SOCS7: variants seen among roughly 807,000 people sequenced by gnomAD.
SOCS7 encodes the protein NAP-4.
In SOCS7, 18 loss-of-function variants were observed where a neutral mutation model predicts 58.9. The ratio of observed to expected loss-of-function variants is 0.31; its 90% CI spans 0.21 to 0.45. The LOEUF (loss-of-function observed/expected upper bound fraction) is 0.45, where lower values mean the gene tolerates loss of function less well. SOCS7 is among the 20% of genes least tolerant of loss of function. SOCS7 has a pLI of 1.00. For synonymous variants in SOCS7, 388 were observed against 364.3 expected, an observed-to-expected ratio of 1.06 and a Z score of -0.74; for missense variants, 667 against 837.3, an observed-to-expected ratio of 0.80 and a Z score of 2.51.
chr17:38,353,370 G>A (rs1567733516), intron 1 of SOCS7, among the ~76,000 whole-genome samples: 1 of 152,204 alleles, frequency 6.6e-6, no homozygotes, highest in Admixed American at 6.5e-5. Flanking sequence ...GAGATTGCTG[G>A]AAGTGTTTGG....
intron 1 of SOCS7, among the ~76,000 whole-genome samples, chr17:38,355,410 A>G (rs138294827): frequency 6.6e-6 from 1 of 152,252 alleles, no homozygotes; most frequent in African/African-American, 2.4e-5. Flanking sequence ...GAGCTTTTCG[A>G]CAGCTTACTA....
Position 38,352,788 on chromosome 17 carries a change from C to T in SOCS7, c.736C>T (p.Gln246Ter). Reference sequence around the variant, plus strand: ...GCGCCTGAGTAGAGGGGAGCAGCAGCAGCAGCAGCAGCAGCAACCTCCCCC... The same window carrying T: ...GCGCCTGAGTAGAGGGGAGCAGCAGTAGCAGCAGCAGCAGCAACCTCCCCC... ...LGRLSRGEQQ[Q>*]QQQQQPPPPP... The change falls in exon 1 of 10, where the codon CAG becomes TAG. Residue 246 changes from glutamine (Q) to a stop codon, truncating the protein, a stop_gained. Transcript: ENST00000612932. LOFTEE classifies it high-confidence loss of function. This position sits in a 1 kb window ranked among gnomAD's most constrained non-coding sequence, Gnocchi z 5.5. 6.4e-7 allele frequency: 1 copy of T among 1,550,914 alleles called. No individual in the cohort carries two copies. Among genetic ancestry groups the T allele is most frequent in the Non-Finnish European group, 8.7e-7 (1 of 1,147,660 alleles).
intron 7 of SOCS7, among the ~76,000 whole-genome samples, chr17:38,391,633 T>G (rs899021480): frequency 1.3e-5 from 2 of 152,092 alleles, no homozygotes; most frequent in African/African-American, 4.8e-5. Context: ...ACTCCTGGGC[T>G]CAAGCAGTCC....
At chr17:38,364,706 T>C in intron 2 of SOCS7, 46 bp from the exon 3 acceptor site, 5 of 1,520,172 alleles carry the variant, frequency 3.3e-6, no homozygotes, top group Non-Finnish European at 3.7e-6. Flanking sequence ...TGCATCAGCT[T>C]TGGGCAAGGC....
At chr17:38,366,645 G>A (rs587622531) in intron 5 of SOCS7, among the ~76,000 whole-genome samples, 70 of 152,242 alleles carry the variant, frequency 4.6e-4, no homozygotes, top group African/African-American at 1.5e-3. Context: ...AGGCATGCAC[G>A]ACCAAGCCCA....
chr17:38,392,229 A>G (rs955786880), intron 7 of SOCS7, among the ~76,000 whole-genome samples: 6 of 152,346 alleles, frequency 3.9e-5, no homozygotes, highest in African/African-American at 1.2e-4. Flanking sequence ...TCAAATTGCT[A>G]TTTGTAAACC....
At chr17:38,365,234 C>A (rs995286582) in intron 3 of SOCS7, 74 bp from the exon 4 acceptor site, 25 of 1,138,494 alleles carry the variant, frequency 2.2e-5, no homozygotes, top group Non-Finnish European at 3.1e-5. Flanking sequence ...TAGTCCTTCT[C>A]CCTCTCCTCT....
At chr17:38,354,846 C>T (rs1597679672) in intron 1 of SOCS7, among the ~76,000 whole-genome samples, 1 of 152,068 alleles carries the variant, frequency 6.6e-6, no homozygotes, top group Admixed American at 6.6e-5. Context: ...CGAGGTGTGG[C>T]GTGAAATTAG....
Position 38,387,095 on chromosome 17 carries a change from A to AAT in SOCS7, c.1682-8213_1682-8212insTA, listed in dbSNP as rs1406472958. 8.0e-5 allele frequency among the ~76,000 whole-genome samples: 8 copies of AAT among 100,530 alleles called. 1 individual carries two copies. Among genetic ancestry groups the AAT allele is most frequent in the African/African-American group, 2.7e-4 (5 of 18,572 alleles). 66.0% of individuals were successfully genotyped at this position (100,530 alleles called of 152,430 possible). On this transcript the variant is annotated intron_variant, in intron 7 of 9. Transcript: ENST00000612932. The stretch of plus-strand genomic sequence containing the variant: ...AGACTCTTATCTTAAAAAAAAAAAA[A>AAT]AAAAAAAATATATATATATATATAT...
chr17:38,372,717 C>G (rs1597695659), intron 6 of SOCS7, among the ~76,000 whole-genome samples: 1 of 152,284 alleles, frequency 6.6e-6, no homozygotes, highest in Non-Finnish European at 1.5e-5. Context: ...TAGAACATTA[C>G]AAGAAAAATT....
chr17:38,360,316 C>T (rs2144320386), intron 1 of SOCS7, among the ~76,000 whole-genome samples: 1 of 151,072 alleles, frequency 6.6e-6, no homozygotes, highest in Admixed American at 6.6e-5. Flanking sequence ...CCTACCTCAG[C>T]CTCCTGAGTA....
chr17:38,387,102 A>AAAATAT (rs1244894607), intron 7 of SOCS7, among the ~76,000 whole-genome samples: 9 of 51,134 alleles, frequency 1.8e-4, no homozygotes, highest in African/African-American at 6.4e-4. Context: ...AAAAAAAAAA[A>AAAATAT]ATATATATAT....
intron 7 of SOCS7, 77 bp from the exon 8 acceptor site, chr17:38,395,232 A>G (rs1406447421): frequency 3.3e-6 from 5 of 1,493,804 alleles, no homozygotes; most frequent in African/African-American, 1.4e-5. Flanking sequence ...TCCCCTCCCT[A>G]GGTTCTCTTC....
intron 6 of SOCS7, among the ~76,000 whole-genome samples, 187 bp from the exon 7 acceptor site, chr17:38,377,526 CA>C (rs1054233664): frequency 4.1e-4 from 63 of 152,148 alleles, no homozygotes; most frequent in African/African-American, 1.3e-3. Context: ...TTATGTCTTA[CA>C]AAAGGCAACA....
chr17:38,361,984 C>T (rs1567737114), intron 2 of SOCS7, among the ~76,000 whole-genome samples: 1 of 152,134 alleles, frequency 6.6e-6, no homozygotes, highest in Non-Finnish European at 1.5e-5. Flanking sequence ...GAGGTAAAGG[C>T]TGCTTGTTGG....
intron 6 of SOCS7, among the ~76,000 whole-genome samples, chr17:38,374,852 T>C (rs2037911646): frequency 6.6e-6 from 1 of 152,244 alleles, no homozygotes; most frequent in African/African-American, 2.4e-5. Flanking sequence ...TCGAGGTTAT[T>C]TGAGACTGCT....
At position 38,395,344 on chromosome 17, in the gene SOCS7, G is replaced by A. The variant is rs1713703892; in HGVS notation, c.1717G>A (p.Val573Met). The A allele has an allele frequency of 6.2e-7, 1 of 1,614,148 alleles. No homozygotes were observed. Among genetic ancestry groups the A allele is most frequent in the Non-Finnish European group, 8.5e-7 (1 of 1,180,026 alleles). The change falls in exon 8 of 10, where the codon GTG becomes ATG. Residue 573 changes from valine (V) to methionine (M), a missense_variant. Physicochemically the swap from Val to Met is conservative, Grantham distance 21. This residue lies in a region of SOCS7 where 76 missense variants were observed against 194.5 expected (regional missense o/e 0.39). Transcript: ENST00000612932. The part of the protein sequence containing the change: ...PPTPVQLLYP[V>M]SRFSNVKSLQ... ...AACTCCTGTCCAGCTGCTCTATCCA[G>A]TGTCCCGATTCAGCAATGTCAAATC...
At chr17:38,359,610 A>G (rs2037687831) in intron 1 of SOCS7, among the ~76,000 whole-genome samples, 1 of 152,150 alleles carries the variant, frequency 6.6e-6, no homozygotes, top group African/African-American at 2.4e-5. Context: ...GGTGCAGTTT[A>G]TAGTTGAAAA....
chr17:38,365,315 C>T lies in SOCS7; in HGVS notation c.1158C>T (p.Ile386=). The T allele has an allele frequency of 6.2e-7, 1 of 1,610,804 alleles. No homozygotes were observed. Among genetic ancestry groups the T allele is most frequent in the Non-Finnish European group, 8.5e-7 (1 of 1,178,170 alleles). The part of the protein sequence containing the change: ...PRRSLSLLDD[I]SGTLPTSVLV... ...TTTTGTTCTCTCTTCTAGATGATAT[C>T]AGTGGGACGCTGCCTACATCTGTCC... Residue 386 remains isoleucine (I), a synonymous_variant, in exon 4 of 10, where the codon ATC becomes ATT. Transcript: ENST00000612932.
Sources: gnomAD v4.1 joint callset for allele counts (sites outside exome capture counted in the v4.1 genomes callset) on GRCh38, gnomAD v4.1.1 for gene constraint, gnomAD v4.1.1 regional missense constraint, Gnocchi (gnomAD v3.1) non-coding constraint, MANE v1.5 for transcripts, NCBI Gene and HGNC (gene_info 2026-07-23, HGNC 2026-07-21) for gene names.